Variants in OR3A2 observed in about 807,000 individuals in gnomAD.
OR3A2 encodes olfactory receptor 3A2.
For synonymous variants in OR3A2, 126 were observed against 159.3 expected (o/e 0.79, Z 1.57); for missense variants, 318 against 392.8 (o/e 0.81, Z 1.61).
intron 3 of OR3A2, among the ~76,000 whole-genome samples, chr17:3,319,255 A>T (rs1338846982): frequency 6.6e-6 from 1 of 152,226 alleles, no homozygotes; most frequent in African/African-American, 2.4e-5. Context: ...AGTCTGAGGG[A>T]TTAGCAGATT....
chr17:3,369,321 CAG>C (rs1291282720), intron 2 of OR3A2, among the ~76,000 whole-genome samples: 1 of 152,120 alleles, frequency 6.6e-6, no homozygotes, highest in African/African-American at 2.4e-5. Context: ...TTCCAGTTCT[CAG>C]GGGGAAGGCT....
chr17:3,358,438 T>A (rs901191482), intron 2 of OR3A2, among the ~76,000 whole-genome samples: 2 of 151,740 alleles, frequency 1.3e-5, no homozygotes, highest in Admixed American at 6.6e-5. Context: ...CCTCTTAACA[T>A]TGCTTTAGCT....
At chr17:3,328,066 T>G (rs1190848226) in intron 3 of OR3A2, among the ~76,000 whole-genome samples, 4 of 145,822 alleles carry the variant, frequency 2.7e-5, no homozygotes, top group African/African-American at 1.1e-4. Flanking sequence ...ATATGAACTT[T>G]AAAGTAGTTT....
chr17:3,303,002 A>G (rs985670729), intron 3 of OR3A2, among the ~76,000 whole-genome samples: 2 of 152,210 alleles, frequency 1.3e-5, no homozygotes, highest in African/African-American at 4.8e-5. Context: ...AATCAACCAA[A>G]ATAACACATT....
intron 3 of OR3A2, among the ~76,000 whole-genome samples, chr17:3,303,212 A>C (rs1337557229): frequency 6.6e-6 from 1 of 152,222 alleles, no homozygotes; most frequent in East Asian, 1.9e-4. Context: ...AAGAGTAAAA[A>C]TGTAAATCAT....
upstream of OR3A2, chr17:3,386,301 G>T (rs61734059): frequency 1.9e-3 from 759 of 398,294 alleles, 7 homozygotes; most frequent in African/African-American, 0.013. Flanking sequence ...ACCGCCCGAC[G>T]GCGGCGTGCC....
intron 2 of OR3A2, among the ~76,000 whole-genome samples, chr17:3,358,836 T>C (rs1450147209): frequency 1.3e-5 from 2 of 151,748 alleles, no homozygotes; most frequent in Admixed American, 6.6e-5. Context: ...AATATCATTG[T>C]TAATTTTCTG....
intron 2 of OR3A2, among the ~76,000 whole-genome samples, chr17:3,374,540 C>T (rs888481657): frequency 3.3e-5 from 5 of 152,168 alleles, no homozygotes; most frequent in African/African-American, 1.2e-4. Flanking sequence ...TGTCTTCGAG[C>T]TCTGACATTC....
rs543828023 is a variant in OR3A2, at chr17:3,349,501, A to G, written c.-178-13375T>C. ...AGCTAACTATCCTAAATATATATGC[A>G]CCCAATACAGGAGCACCCAAATTCA... On this transcript the variant is annotated intron_variant, in intron 2 of 4. Coordinates refer to the OR3A2 transcript ENST00000573491. Among the ~76,000 whole-genome samples, 7 of 152,278 alleles carry G rather than the reference A, an allele frequency of 4.6e-5. No individual in the cohort carries two copies. In the East Asian group the frequency reaches 1.3e-3, roughly 29 times the overall value.
At chr17:3,324,897 G>A (rs1056239721) in intron 3 of OR3A2, among the ~76,000 whole-genome samples, 1 of 152,176 alleles carries the variant, frequency 6.6e-6, no homozygotes, top group Admixed American at 6.5e-5. Context: ...ATTTGTCATA[G>A]ATGCTGCAAA....
At chr17:3,383,199 G>T (rs2049753005) in intron 2 of OR3A2, among the ~76,000 whole-genome samples, 1 of 152,170 alleles carries the variant, frequency 6.6e-6, no homozygotes, top group South Asian at 2.1e-4. Context: ...GTGTAGCTCT[G>T]AGGCCAAAAT....
At chr17:3,312,674 G>A (rs1292972771) in intron 3 of OR3A2, among the ~76,000 whole-genome samples, 1 of 152,182 alleles carries the variant, frequency 6.6e-6, no homozygotes, top group Non-Finnish European at 1.5e-5. Flanking sequence ...GCCCAGGCTG[G>A]AGTGCAGCGG....
At chr17:3,319,018 G>T (rs2049098309) in intron 3 of OR3A2, among the ~76,000 whole-genome samples, 1 of 152,010 alleles carries the variant, frequency 6.6e-6, no homozygotes, top group Non-Finnish European at 1.5e-5. Flanking sequence ...CCATTTTCAA[G>T]TATGTCTTAA....
intron 3 of OR3A2, among the ~76,000 whole-genome samples, chr17:3,298,040 G>C (rs566826972): frequency 6.6e-6 from 1 of 152,080 alleles, no homozygotes; most frequent in Admixed American, 6.6e-5. Flanking sequence ...GACTCATTTG[G>C]GAATAGTTAA....
At chr17:3,319,881 G>A (rs28867980) in intron 3 of OR3A2, among the ~76,000 whole-genome samples, 61,261 of 151,694 alleles carry the variant, frequency 0.4, 12,660 homozygotes, top group Admixed American at 0.52. Flanking sequence ...AATCCTTTGG[G>A]TATATATACC....
In OR3A2 at chr17:3,316,334, T is replaced by C. The variant is rs140528827; in HGVS notation, c.-85+19699A>G. On this transcript the variant is annotated intron_variant, in intron 3 of 4. Transcript: ENST00000573491. The stretch of plus-strand genomic sequence containing the variant: ...CTCAACACATCTGTGAACTGTTGAG[T>C]ACATCCACGATCCATGTGTCAAGCT... Among the ~76,000 whole-genome samples the C allele has an allele frequency of 3.8e-3, 581 of 152,264 alleles. 5 individuals carry two copies. Among genetic ancestry groups the C allele is most frequent in the African/African-American group, 0.013 (552 of 41,568 alleles).
intron 3 of OR3A2, among the ~76,000 whole-genome samples, chr17:3,315,678 T>C (rs956568186): frequency 1.3e-5 from 2 of 151,002 alleles, no homozygotes; most frequent in African/African-American, 4.8e-5. Context: ...GCTATGCGGA[T>C]CTTTAATTAG....
At position 3,351,196 on chromosome 17, in the gene OR3A2, A is replaced by G. The variant is rs1402810264; in HGVS notation, c.-178-15070T>C. On this transcript the variant is annotated intron_variant, in intron 2 of 4. Transcript: ENST00000573491. The stretch of plus-strand genomic sequence containing the variant: ...GTTCTGGCCAGGGCAATTAGGCAGG[A>G]GAAGGAAATAAAGGGTATTCAATTA... Among the ~76,000 whole-genome samples the G allele has an allele frequency of 6.9e-5, 10 of 144,782 alleles. No individual in the cohort carries two copies. The East Asian group carries it at 1.6e-3, about 24-fold the overall frequency. 95.0% of individuals were successfully genotyped at this position (144,782 alleles called of 152,430 possible).
At chr17:3,364,793 C>T (rs1445360183) in intron 2 of OR3A2, among the ~76,000 whole-genome samples, 1 of 152,120 alleles carries the variant, frequency 6.6e-6, no homozygotes, top group Non-Finnish European at 1.5e-5. Flanking sequence ...TCTACACTCC[C>T]ATGTTCATTG....
Sources: allele counts gnomAD v4.1 joint callset (sites outside exome capture counted in the v4.1 genomes callset), GRCh38; gene constraint gnomAD v4.1.1; transcripts MANE v1.5; gene names NCBI Gene and HGNC (gene_info 2026-07-23, HGNC 2026-07-21).